Variants in MYO16 observed in about 807,000 individuals in gnomAD.
The protein encoded by MYO16 is myosin XVI.
A neutral mutation model predicts 205.3 loss-of-function variants in MYO16; 94 were observed. The observed-to-expected ratio is 0.46, with a 90% CI of 0.39 to 0.54. MYO16 has a LOEUF of 0.54. Ranked by LOEUF, MYO16 falls within the 20% of genes least tolerant of loss-of-function variation. MYO16 has a pLI of 0.00. For missense variants in MYO16, 2,315 were observed against 2,387.5 expected (o/e 0.97, Z 0.63); for synonymous variants, 988 against 954.0 (o/e 1.04, Z -0.66).
chr13:108,618,338 A>G (rs190218981), intron 1 of MYO16, among the ~76,000 whole-genome samples: 131 of 152,282 alleles, frequency 8.6e-4, no homozygotes, highest in African/African-American at 3.1e-3. Context: ...AGCACCTGCA[A>G]AAAAGAGGAG....
At chr13:108,764,569 C>T (rs549893795) in intron 4 of MYO16, among the ~76,000 whole-genome samples, 55 of 152,212 alleles carry the variant, frequency 3.6e-4, no homozygotes, top group African/African-American at 1.2e-3. Flanking sequence ...ACCTGTGGTA[C>T]GTATCAGGGG....
the MYO16 span, among the ~76,000 whole-genome samples, chr13:108,525,841 T>G: frequency 6.6e-6 from 1 of 152,226 alleles, no homozygotes; most frequent in Non-Finnish European, 1.5e-5. Context: ...ATTCATTAAC[T>G]TTTACTCATT....
Position 109,127,926 on chromosome 13 carries a change from GCTT to G in MYO16, c.4051+378_4051+380del, listed in dbSNP as rs1316890675. On this transcript the variant is annotated intron_variant, in intron 31 of 34. Coordinates refer to ENST00000457511, the MANE Select transcript of MYO16 (RefSeq NM_001198950.3). The surrounding 1 kb of genome is among the most constrained non-coding windows in gnomAD (Gnocchi z 4.2). ...CACAATCTAATAAAAAATTAAGACTGCTTCATCATATGATAAGTGAAATTATTT... is the reference window on the plus strand; with the variant it reads ...CACAATCTAATAAAAAATTAAGACTGCATCATATGATAAGTGAAATTATTT... Among the ~76,000 whole-genome samples, 1 of 150,760 alleles carries G rather than the reference GCTT, an allele frequency of 6.6e-6. No individual in the cohort carries two copies. The highest frequency in any genetic ancestry group is 1.5e-5 in the Non-Finnish European group (1 of 67,876).
At chr13:108,898,413 A>G (rs1174382598) in intron 15 of MYO16, among the ~76,000 whole-genome samples, 1 of 146,282 alleles carries the variant, frequency 6.8e-6, no homozygotes, top group Non-Finnish European at 1.5e-5. Context: ...ATGTCAGGTG[A>G]TAAGTGCTGA....
intron 5 of MYO16, among the ~76,000 whole-genome samples, chr13:108,787,140 A>G (rs968508904): frequency 1.3e-5 from 2 of 152,232 alleles, no homozygotes; most frequent in African/African-American, 4.8e-5. Context: ...GTTAAGTGTT[A>G]TCACCAAATA....
At chr13:109,153,530 C>A (rs764671369) in intron 32 of MYO16, among the ~76,000 whole-genome samples, 1 of 152,080 alleles carries the variant, frequency 6.6e-6, no homozygotes, top group Non-Finnish European at 1.5e-5. Flanking sequence ...AAGCCAAGAC[C>A]GTCCGATCAC....
intron 27 of MYO16, among the ~76,000 whole-genome samples, chr13:109,066,555 A>G (rs1462583242): frequency 6.6e-6 from 1 of 152,192 alleles, no homozygotes; most frequent in Non-Finnish European, 1.5e-5. Flanking sequence ...AATAAAGTAT[A>G]TCTTTACTGA....
At chr13:109,057,917 A>T (rs1006876228) in intron 27 of MYO16, among the ~76,000 whole-genome samples, 2 of 152,100 alleles carry the variant, frequency 1.3e-5, no homozygotes, top group Admixed American at 1.3e-4. Flanking sequence ...CGGGGGCCTC[A>T]GAGGGTGATG....
chr13:108,985,506 C>T (rs879647977), intron 20 of MYO16, among the ~76,000 whole-genome samples: 7 of 152,176 alleles, frequency 4.6e-5, no homozygotes, highest in African/African-American at 7.2e-5. Flanking sequence ...TGTCAGCAGA[C>T]GTGGGAGGAG....
intron 16 of MYO16, among the ~76,000 whole-genome samples, chr13:108,927,951 C>G (rs1882084893): frequency 6.6e-6 from 1 of 152,230 alleles, no homozygotes; most frequent in Non-Finnish European, 1.5e-5. Context: ...TCCACCAGTT[C>G]AGTAAAGGGG....
intron 23 of MYO16, among the ~76,000 whole-genome samples, chr13:109,023,693 A>T (rs1278408819): frequency 1.2e-4 from 14 of 117,516 alleles, no homozygotes; most frequent in South Asian, 2.6e-4. Flanking sequence ...ATACATATAT[A>T]TGTATATATG....
chr13:109,146,563 G>A (rs1042272743), intron 32 of MYO16, among the ~76,000 whole-genome samples: 1 of 151,986 alleles, frequency 6.6e-6, no homozygotes, highest in Non-Finnish European at 1.5e-5. Context: ...TGGAAGGATC[G>A]CTTGAGCCCA....
intron 16 of MYO16, among the ~76,000 whole-genome samples, chr13:108,949,239 A>T (rs944148497): frequency 2.0e-4 from 30 of 152,150 alleles, no homozygotes; most frequent in Non-Finnish European, 2.9e-5. Flanking sequence ...TTAGAAACTT[A>T]GTCTAAAGAA....
rs369754780 is a variant in MYO16 at position 108,852,034 on chromosome 13, A to C, written c.1249-3409A>C. ...CCCTCACCATGTCCTTCCCTCTCCC[A>C]GAGACATCTCTCCCCACATCCCACA... On this transcript the variant is annotated intron_variant, in intron 10 of 34. Coordinates refer to ENST00000457511, the MANE Select transcript of MYO16 (RefSeq NM_001198950.3). Among the ~76,000 whole-genome samples, 3 of 152,088 alleles carry C rather than the reference A, an allele frequency of 2.0e-5. No individual in the cohort carries two copies. The East Asian group carries it at 5.8e-4, about 29-fold the overall frequency.
chr13:109,164,388 T>C (rs1200215476), intron 32 of MYO16, among the ~76,000 whole-genome samples: 3 of 152,258 alleles, frequency 2.0e-5, no homozygotes, highest in African/African-American at 7.2e-5. Flanking sequence ...ATTACATATT[T>C]AAGTAATTAT....
At chr13:109,028,956 A>G (rs1886457010) in intron 23 of MYO16, among the ~76,000 whole-genome samples, 1 of 151,978 alleles carries the variant, frequency 6.6e-6, no homozygotes, top group Non-Finnish European at 1.5e-5. Flanking sequence ...ATCTTTGAAT[A>G]AACTAAGTTT....
chr13:108,982,128 A>G (rs1316754605), intron 20 of MYO16, among the ~76,000 whole-genome samples: 1 of 152,246 alleles, frequency 6.6e-6, no homozygotes, highest in Admixed American at 6.5e-5. Flanking sequence ...CAAAGTAGCA[A>G]ATATGTATGA....
At chr13:109,076,188 G>T (rs1302818660) in intron 27 of MYO16, among the ~76,000 whole-genome samples, 1 of 152,038 alleles carries the variant, frequency 6.6e-6, no homozygotes, top group Non-Finnish European at 1.5e-5. Context: ...TTTATTGAAA[G>T]AAAAAGCTTT....
At chr13:108,733,847 T>A (rs1884602405) in intron 4 of MYO16, among the ~76,000 whole-genome samples, 1 of 152,084 alleles carries the variant, frequency 6.6e-6, no homozygotes, top group African/African-American at 2.4e-5. Flanking sequence ...CAGGCACCTG[T>A]AGTCCCAGCT....
Sources: allele counts gnomAD v4.1 joint callset (sites outside exome capture counted in the v4.1 genomes callset), GRCh38; gene constraint gnomAD v4.1.1; non-coding constraint Gnocchi (gnomAD v3.1); transcripts MANE v1.5; gene names NCBI Gene and HGNC (gene_info 2026-07-23, HGNC 2026-07-21).